NEGR1: variants seen among roughly 807,000 people sequenced by gnomAD.
NEGR1 encodes the protein IgLON family member 4.
Under a neutral mutation model 40.9 loss-of-function variants are expected in NEGR1, and 10 were observed. That is an observed-to-expected ratio of 0.24 (90% CI 0.15 to 0.42). The LOEUF is 0.42. NEGR1 is among the 10% of genes least tolerant of loss of function. The pLI is 1.00. For synonymous variants in NEGR1, 185 were observed against 166.8 expected (o/e 1.11, Z -0.84); for missense variants, 352 against 438.9 (o/e 0.80, Z 1.77).
At chr1:71,502,105 T>A (rs1193729030) in intron 6 of NEGR1, among the ~76,000 whole-genome samples, 2 of 152,280 alleles carry the variant, frequency 1.3e-5, no homozygotes, top group East Asian at 3.9e-4. Flanking sequence ...TTTCAAAGCA[T>A]GATAAATCTA....
chr1:72,227,701 G>A (rs1654237343), intron 1 of NEGR1, among the ~76,000 whole-genome samples: 1 of 152,008 alleles, frequency 6.6e-6, no homozygotes, highest in South Asian at 2.1e-4. Context: ...AAAGACACTG[G>A]TTTGATATGG....
chr1:71,843,129 C>G (rs77761783), intron 2 of NEGR1, among the ~76,000 whole-genome samples: 1 of 152,036 alleles, frequency 6.6e-6, no homozygotes, highest in East Asian at 1.9e-4. Flanking sequence ...TTATAGTGCC[C>G]ATTAGGGAAC....
chr1:72,097,647 C>T (rs1201473006), intron 1 of NEGR1, among the ~76,000 whole-genome samples: 1 of 152,184 alleles, frequency 6.6e-6, no homozygotes, highest in Non-Finnish European at 1.5e-5. Context: ...CCATTTCATG[C>T]TTCGCAAAAG....
chr1:71,903,691 T>C (rs2101865888), intron 2 of NEGR1, among the ~76,000 whole-genome samples: 1 of 151,986 alleles, frequency 6.6e-6, no homozygotes, highest in South Asian at 2.1e-4. Context: ...CATATACATA[T>C]GTCTGTTGCA....
At chr1:72,269,518 C>G (rs998528010) in intron 1 of NEGR1, among the ~76,000 whole-genome samples, 1 of 151,622 alleles carries the variant, frequency 6.6e-6, no homozygotes, top group Non-Finnish European at 1.5e-5. Context: ...GACACACAGG[C>G]CTAGGATCAA....
At chr1:72,078,934 C>T (rs1342190552) in intron 1 of NEGR1, among the ~76,000 whole-genome samples, 3 of 151,258 alleles carry the variant, frequency 2.0e-5, no homozygotes, top group Non-Finnish European at 4.4e-5. Context: ...GCCACTGCGC[C>T]CAGCCTATTT....
intron 1 of NEGR1, among the ~76,000 whole-genome samples, chr1:71,952,614 G>A (rs569675030): frequency 6.6e-6 from 1 of 152,088 alleles, no homozygotes; most frequent in Non-Finnish European, 1.5e-5. Context: ...AATAATTGAT[G>A]AAGATGTCTA....
At chr1:71,542,889 GA>G (rs1647762186) in intron 6 of NEGR1, among the ~76,000 whole-genome samples, 1 of 151,656 alleles carries the variant, frequency 6.6e-6, no homozygotes, top group Non-Finnish European at 1.5e-5. Flanking sequence ...TTTAACTTTG[GA>G]AAAAATTGCC....
intron 1 of NEGR1, among the ~76,000 whole-genome samples, chr1:72,268,503 T>A (rs1655727796): frequency 6.6e-6 from 1 of 151,436 alleles, no homozygotes; most frequent in Non-Finnish European, 1.5e-5. Context: ...AGATGGGAAC[T>A]TATCTCTTAT....
intron 3 of NEGR1, among the ~76,000 whole-genome samples, chr1:71,712,258 T>C (rs1254239259): frequency 2.0e-5 from 3 of 152,334 alleles, no homozygotes; most frequent in Non-Finnish European, 4.4e-5. Context: ...CAAATGGCAA[T>C]GAGGATGTGC....
chr1:71,860,537 A>C (rs1308503365), intron 2 of NEGR1, among the ~76,000 whole-genome samples: 1 of 152,000 alleles, frequency 6.6e-6, no homozygotes, highest in Non-Finnish European at 1.5e-5. Context: ...AAGTCTAATA[A>C]AATTATGTTT....
At chr1:71,730,895 T>A (rs1654840603) in intron 3 of NEGR1, among the ~76,000 whole-genome samples, 1 of 149,394 alleles carries the variant, frequency 6.7e-6, no homozygotes, top group African/African-American at 2.5e-5. Flanking sequence ...TGTGTGTGTG[T>A]GTGTGTGTGT....
At chr1:71,508,004 C>T (rs930930806) in intron 6 of NEGR1, among the ~76,000 whole-genome samples, 1 of 152,168 alleles carries the variant, frequency 6.6e-6, no homozygotes. Flanking sequence ...ATTATATGGG[C>T]TCCCACAGTT....
At chr1:72,099,821 TTA>T (rs1304487758) in intron 1 of NEGR1, among the ~76,000 whole-genome samples, 1 of 151,882 alleles carries the variant, frequency 6.6e-6, no homozygotes, top group African/African-American at 2.4e-5. Context: ...TAAAGTACTT[TTA>T]GTTGATATAA....
intron 4 of NEGR1, among the ~76,000 whole-genome samples, chr1:71,651,803 T>A (rs1651726425): frequency 6.6e-6 from 1 of 152,100 alleles, no homozygotes. Flanking sequence ...ACTTACTAGG[T>A]GCCAAGTACC....
At chr1:72,205,141 G>T (rs776347087) in intron 1 of NEGR1, among the ~76,000 whole-genome samples, 1 of 151,932 alleles carries the variant, frequency 6.6e-6, no homozygotes, top group Non-Finnish European at 1.5e-5. Flanking sequence ...CGGGAAAAAA[G>T]CACCTTGATT....
chr1:71,711,933 ATTGT>A (rs1654107802), intron 3 of NEGR1, among the ~76,000 whole-genome samples: 1 of 152,216 alleles, frequency 6.6e-6, no homozygotes, highest in African/African-American at 2.4e-5. Context: ...AAGGCTATAT[ATTGT>A]ATGATTTAAT....
At chr1:71,887,724 A>G (rs1207530209) in intron 2 of NEGR1, among the ~76,000 whole-genome samples, 1 of 152,106 alleles carries the variant, frequency 6.6e-6, no homozygotes, top group East Asian at 1.9e-4. Context: ...GTAGTATAGG[A>G]CACTGGAACT....
intron 1 of NEGR1, among the ~76,000 whole-genome samples, chr1:72,255,547 CT>C (rs35452808): frequency 0.023 from 2,921 of 125,324 alleles, 103 homozygotes; most frequent in African/African-American, 0.075. Context: ...AAAAATACTT[CT>C]TTTTTTTTTT....
Sources: gnomAD v4.1 joint callset for allele counts (sites outside exome capture counted in the v4.1 genomes callset) on GRCh38, gnomAD v4.1.1 for gene constraint, MANE v1.5 for transcripts, NCBI Gene and HGNC (gene_info 2026-07-23, HGNC 2026-07-21) for gene names.